Variants in MFHAS1 observed in about 807,000 individuals in gnomAD.
MFHAS1 encodes the protein multifunctional ROCO family signaling regulator 1.
Under a neutral mutation model 70.4 loss-of-function variants are expected in MFHAS1, and 50 were observed. The observed-to-expected ratio is 0.71, with a 90% CI of 0.57 to 0.90. MFHAS1 has a LOEUF of 0.90. Ranked by LOEUF, MFHAS1 falls within the 40% of genes least tolerant of loss-of-function variation. The probability of loss-of-function intolerance (pLI) is 0.00; values close to 1 mark genes in which losing one functional copy is unlikely to be tolerated. For missense variants in MFHAS1, 1,795 were observed against 1,347.6 expected, an observed-to-expected ratio of 1.33 and a Z score of -5.20; for synonymous variants, 952 against 620.0, an observed-to-expected ratio of 1.54 and a Z score of -7.96.
chr8:8,799,267 G>A (rs1400790180), intron 1 of MFHAS1, among the ~76,000 whole-genome samples: 3 of 152,040 alleles, frequency 2.0e-5, no homozygotes, highest in Non-Finnish European at 4.4e-5. Context: ...ACAATAAATA[G>A]GACAATGATA....
intron 1 of MFHAS1, among the ~76,000 whole-genome samples, chr8:8,845,573 C>T (rs916062241): frequency 2.6e-5 from 4 of 152,174 alleles, no homozygotes; most frequent in Non-Finnish European, 1.5e-5. Context: ...CCATGGCAGG[C>T]TCCGGGGAAT....
intron 1 of MFHAS1, chr8:8,859,872 T>A (rs1433946549): frequency 6.6e-6 from 1 of 152,360 alleles, no homozygotes; most frequent in South Asian, 2.1e-4. Context: ...AATGCCTGCA[T>A]TGTTCAAGGG....
intron 1 of MFHAS1, among the ~76,000 whole-genome samples, chr8:8,875,839 G>A (rs569909250): frequency 7.9e-5 from 12 of 152,128 alleles, no homozygotes; most frequent in Admixed American, 4.6e-4. Flanking sequence ...CGCCCGCCTC[G>A]GCCTCCCAAA....
rs1174733837 is a variant in MFHAS1, at chr8:8,892,930, G to T, written c.129C>A (p.Ala43=). The T allele has an allele frequency of 2.6e-6, 4 of 1,548,776 alleles. No individual in the cohort carries two copies. In the Admixed American group the frequency reaches 6.0e-5, roughly 23 times the overall value. Residue 43 remains alanine (A), a synonymous_variant, in exon 1 of 3, where the codon GCC becomes GCA. Coordinates refer to ENST00000276282, the MANE Select transcript of MFHAS1 (RefSeq NM_004225.3). This position sits in a 1 kb window ranked among gnomAD's most constrained non-coding sequence, Gnocchi z 4.7. ...CGGGGGACTCGAGCGCGTCGGCCCC[G>T]GCCCCGGGGCAGGCCCCGGCGGCGG... ...TLTAAGACPG[A]GADALESPAS...
chr8:8,818,008 G>C (rs746572872), intron 1 of MFHAS1, among the ~76,000 whole-genome samples: 1 of 152,110 alleles, frequency 6.6e-6, no homozygotes. Context: ...GCTCTAGCCC[G>C]TATCTATACA....
intron 1 of MFHAS1, among the ~76,000 whole-genome samples, chr8:8,817,466 C>G (rs776330453): frequency 3.3e-5 from 5 of 152,240 alleles, no homozygotes; most frequent in Admixed American, 6.5e-5. Flanking sequence ...ACAGTGCTCT[C>G]TCTGAGGCTT....
chr8:8,852,933 T>A (rs1808300457), intron 1 of MFHAS1, among the ~76,000 whole-genome samples: 1 of 152,162 alleles, frequency 6.6e-6, no homozygotes, highest in South Asian at 2.1e-4. Flanking sequence ...TGATTGCATT[T>A]CCATAAGAAC....
At chr8:8,853,489 AAC>A (rs1554485038) in intron 1 of MFHAS1, among the ~76,000 whole-genome samples, 23 of 144,000 alleles carry the variant, frequency 1.6e-4, no homozygotes, top group African/African-American at 4.7e-4. Flanking sequence ...AAAAAAAAAA[AAC>A]CACACACAAC....
intron 1 of MFHAS1, among the ~76,000 whole-genome samples, chr8:8,859,280 G>A (rs1808572762): frequency 6.6e-6 from 1 of 152,196 alleles, no homozygotes; most frequent in African/African-American, 2.4e-5. Context: ...GGAGGTGGAA[G>A]TTGTAGTGAG....
intron 1 of MFHAS1, among the ~76,000 whole-genome samples, chr8:8,847,260 C>T (rs1808070763): frequency 6.6e-6 from 1 of 152,176 alleles, no homozygotes; most frequent in East Asian, 1.9e-4. Context: ...GGGCTCACTG[C>T]AACCTCCACC....
chr8:8,799,920 T>A (rs192941930), intron 1 of MFHAS1, among the ~76,000 whole-genome samples: 2 of 152,318 alleles, frequency 1.3e-5, no homozygotes, highest in East Asian at 1.9e-4. Flanking sequence ...ATTTTACAAA[T>A]GAGGATGCTA....
At chr8:8,788,729 T>A (rs1386815862) in intron 2 of MFHAS1, among the ~76,000 whole-genome samples, 1 of 152,124 alleles carries the variant, frequency 6.6e-6, no homozygotes, top group African/African-American at 2.4e-5. Context: ...GAGTGACTGG[T>A]TACAGTTAGG....
At chr8:8,854,657 C>T (rs1218857654) in intron 1 of MFHAS1, among the ~76,000 whole-genome samples, 5 of 149,398 alleles carry the variant, frequency 3.3e-5, no homozygotes, top group Non-Finnish European at 7.4e-5. Context: ...TGCACTCCAG[C>T]CTGGATGACA....
At chr8:8,792,295 G>C (rs1430077014) in intron 2 of MFHAS1, among the ~76,000 whole-genome samples, 1 of 143,846 alleles carries the variant, frequency 7.0e-6, no homozygotes, top group Non-Finnish European at 1.5e-5. Flanking sequence ...AACCATTCCT[G>C]AAAGTGACAC....
rs376204493 is a variant in MFHAS1, at chr8:8,797,316, C to G, written c.3125+49G>C. 55 of 1,606,196 alleles carry G rather than the reference C, an allele frequency of 3.4e-5. No individual in the cohort carries two copies. In the African/African-American group the frequency reaches 6.4e-4, roughly 19 times the overall value. Reference sequence around the variant, plus strand: ...GATTTTTGTGGTCATATCTATGGAGCTGGGATCAGGAGCCAGGTCCCGGGG... The same window carrying G: ...GATTTTTGTGGTCATATCTATGGAGGTGGGATCAGGAGCCAGGTCCCGGGG... On this transcript the variant is annotated intron_variant, in intron 2 of 2. Coordinates refer to ENST00000276282, the MANE Select transcript of MFHAS1 (RefSeq NM_004225.3).
chr8:8,853,291 G>A (rs437895), intron 1 of MFHAS1, among the ~76,000 whole-genome samples: 106,001 of 151,634 alleles, frequency 0.7, 37,666 homozygotes, highest in East Asian at 0.85. Context: ...TCAACAGGCG[G>A]CAAGCTCCTG....
intron 1 of MFHAS1, among the ~76,000 whole-genome samples, chr8:8,874,226 T>G (rs1177373219): frequency 6.6e-6 from 1 of 151,934 alleles, no homozygotes; most frequent in Non-Finnish European, 1.5e-5. Flanking sequence ...CGTACTTAGT[T>G]TAACAATCTG....
chr8:8,865,029 A>T (rs12547614), intron 1 of MFHAS1, among the ~76,000 whole-genome samples: 3,550 of 152,216 alleles, frequency 0.023, 83 homozygotes, highest in Admixed American at 0.054. Context: ...TAATCCCAGC[A>T]CTTGAGGAGG....
chr8:8,834,586 T>G (rs770558698), intron 1 of MFHAS1, among the ~76,000 whole-genome samples: 1 of 152,212 alleles, frequency 6.6e-6, no homozygotes, highest in Non-Finnish European at 1.5e-5. Context: ...CAGGTTTCTA[T>G]TCTAGGAGCA....
Sources: gnomAD v4.1 joint callset for allele counts (sites outside exome capture counted in the v4.1 genomes callset) on GRCh38, gnomAD v4.1.1 for gene constraint, Gnocchi (gnomAD v3.1) non-coding constraint, MANE v1.5 for transcripts, NCBI Gene and HGNC (gene_info 2026-07-23, HGNC 2026-07-21) for gene names.